Variants in MYT1L observed in about 807,000 individuals in gnomAD.
MYT1L encodes myelin transcription factor 1 like.
A neutral mutation model predicts 126.7 loss-of-function variants in MYT1L; 12 were observed. That is an observed-to-expected ratio of 0.09 (90% CI 0.06 to 0.15). The LOEUF (loss-of-function observed/expected upper bound fraction) is 0.15. Ranked by LOEUF, MYT1L falls within the 10% of genes least tolerant of loss-of-function variation. The pLI is 1.00. For missense variants in MYT1L, 979 were observed against 1,585.2 expected (o/e 0.62, Z 6.49); for synonymous variants, 541 against 604.2 (o/e 0.90, Z 1.53).
chr2:1,980,881 C>T (rs17039237), intron 5 of MYT1L, among the ~76,000 whole-genome samples: 23,071 of 152,104 alleles, frequency 0.15, 1,782 homozygotes, highest in East Asian at 0.31. Context: ...CTCAAGACGA[C>T]GGGGGAGCTA....
At chr2:2,200,282 T>C (rs999561898) in intron 2 of MYT1L, among the ~76,000 whole-genome samples, 1 of 152,160 alleles carries the variant, frequency 6.6e-6, no homozygotes, top group Admixed American at 6.5e-5. Context: ...CAAATTAGCT[T>C]AATGATTGAA....
intron 1 of MYT1L, among the ~76,000 whole-genome samples, chr2:2,312,016 G>C (rs1357022927): frequency 6.6e-6 from 1 of 152,180 alleles, no homozygotes; most frequent in African/African-American, 2.4e-5. Context: ...GCTGCTGTTG[G>C]GGAAACAAGC....
intron 2 of MYT1L, among the ~76,000 whole-genome samples, chr2:2,280,287 G>A (rs570344216): frequency 6.6e-6 from 1 of 152,292 alleles, no homozygotes; most frequent in South Asian, 2.1e-4. Flanking sequence ...TACATACCCT[G>A]GTTGTATGGT....
intron 4 of MYT1L, among the ~76,000 whole-genome samples, chr2:2,001,084 C>G (rs1323390049): frequency 6.6e-6 from 1 of 152,042 alleles, no homozygotes; most frequent in Non-Finnish European, 1.5e-5. Context: ...GACATTCGTG[C>G]CCCCATACAA....
intron 18 of MYT1L, among the ~76,000 whole-genome samples, chr2:1,879,872 T>C (rs976919264): frequency 2.6e-5 from 4 of 152,222 alleles, no homozygotes; most frequent in African/African-American, 9.6e-5. Context: ...TGTTTGAAAG[T>C]ATGCAATACA....
intron 3 of MYT1L, among the ~76,000 whole-genome samples, chr2:2,172,467 C>T (rs1002019549): frequency 6.6e-6 from 1 of 152,228 alleles, no homozygotes; most frequent in South Asian, 2.1e-4. Flanking sequence ...CATGAATTGT[C>T]TCTTTGGAGA....
At chr2:2,220,028 C>T (rs535907691) in intron 2 of MYT1L, among the ~76,000 whole-genome samples, 12 of 152,132 alleles carry the variant, frequency 7.9e-5, no homozygotes, top group South Asian at 4.2e-4. Context: ...AGGGGAAAAG[C>T]GCATTTGCAC....
rs564399153 is a variant in MYT1L, at chr2:1,842,946, C to G, written c.2775-2103G>C. On this transcript the variant is annotated intron_variant, in intron 19 of 24. Coordinates refer to ENST00000647738, the MANE Select transcript of MYT1L (RefSeq NM_001303052.2). Reference sequence around the variant, plus strand: ...GCTTCCAGGCGCTTCCGCTTCCAGGCGCTTCCGCTTCCAGGCGCGCGGTGC... The same window carrying G: ...GCTTCCAGGCGCTTCCGCTTCCAGGGGCTTCCGCTTCCAGGCGCGCGGTGC... The G allele has an allele frequency of 4.6e-5, 8 of 174,220 alleles. No individual in the cohort carries two copies. In the South Asian group the frequency reaches 9.1e-4, roughly 20 times the overall value. 10.8% of individuals were successfully genotyped at this position (174,220 alleles called of 1,614,324 possible). A position where few individuals can be genotyped will look rare whatever the true frequency, so the allele number is the denominator to read the frequency against.
intron 3 of MYT1L, among the ~76,000 whole-genome samples, chr2:2,116,984 T>C (rs985552187): frequency 6.6e-6 from 1 of 152,194 alleles, no homozygotes; most frequent in African/African-American, 2.4e-5. Flanking sequence ...GTGAGGGCAG[T>C]GGGAGAGCTA....
At chr2:2,082,747 CT>C (rs2075972815) in intron 3 of MYT1L, among the ~76,000 whole-genome samples, 3 of 152,154 alleles carry the variant, frequency 2.0e-5, no homozygotes, top group Admixed American at 2.0e-4. Flanking sequence ...ACAAGGCAAC[CT>C]CTTTGAAATT....
chr2:2,268,442 A>C (rs954709803), intron 2 of MYT1L, among the ~76,000 whole-genome samples: 3 of 152,174 alleles, frequency 2.0e-5, no homozygotes, highest in African/African-American at 7.2e-5. Context: ...TTTTAAGGTC[A>C]GTTTTTCCAC....
intron 3 of MYT1L, among the ~76,000 whole-genome samples, chr2:2,123,912 C>T (rs1319073675): frequency 6.6e-6 from 1 of 152,102 alleles, no homozygotes; most frequent in African/African-American, 2.4e-5. Flanking sequence ...CCCTGGAAAG[C>T]GGCTGCCGCT....
Position 1,851,669 on chromosome 2 carries a change from T to C in MYT1L, c.2746A>G (p.Ile916Val), listed in dbSNP as rs1442742878. Reference protein sequence around the residue: ...PTPGCDGSGHITGNYASHRSL... With the variant: ...PTPGCDGSGHVTGNYASHRSL... ...CGATGAGAAGCATAATTGCCGGTGA[T>C]ATGTCCAGAACCATCACAGCCAGGC... Residue 916 changes from isoleucine (I) to valine (V), a missense_variant, in exon 19 of 25, where the codon ATC becomes GTC. Physicochemically the swap from Ile to Val is conservative, Grantham distance 29. Coordinates refer to ENST00000647738, the MANE Select transcript of MYT1L (RefSeq NM_001303052.2). The C allele has an allele frequency of 2.5e-6, 4 of 1,613,820 alleles. No individual in the cohort carries two copies. In the South Asian group the frequency reaches 3.3e-5, roughly 13 times the overall value.
intron 4 of MYT1L, among the ~76,000 whole-genome samples, chr2:2,002,797 C>T (rs575945598): frequency 4.6e-5 from 7 of 152,196 alleles, no homozygotes; most frequent in African/African-American, 1.7e-4. Context: ...GCAGTTTCCC[C>T]CATGCTGTTC....
At chr2:1,994,400 C>G (rs188722263) in intron 5 of MYT1L, among the ~76,000 whole-genome samples, 1 of 152,060 alleles carries the variant, frequency 6.6e-6, no homozygotes, top group East Asian at 2.0e-4. Context: ...AGCGAGTCCT[C>G]CTGGGGGGCT....
At chr2:2,264,771 G>T (rs1019338056) in intron 2 of MYT1L, among the ~76,000 whole-genome samples, 12 of 152,172 alleles carry the variant, frequency 7.9e-5, no homozygotes, top group African/African-American at 2.9e-4. Context: ...TCGTAAAAAT[G>T]TCCAGAGGAA....
intron 1 of MYT1L, among the ~76,000 whole-genome samples, chr2:2,323,169 A>T (rs1454275425): frequency 1.3e-5 from 2 of 152,148 alleles, no homozygotes; most frequent in Non-Finnish European, 2.9e-5. Flanking sequence ...CTTGTGTTTG[A>T]GGTTTAGATT....
intron 21 of MYT1L, among the ~76,000 whole-genome samples, chr2:1,823,042 C>T (rs1191048770): frequency 6.6e-6 from 1 of 152,188 alleles, no homozygotes; most frequent in African/African-American, 2.4e-5. Context: ...TGAAAGGGAC[C>T]TTATTGCACC....
chr2:1,987,308 CTGTTTTTTT>C (rs1280748475), intron 5 of MYT1L, among the ~76,000 whole-genome samples: 1 of 150,676 alleles, frequency 6.6e-6, no homozygotes, highest in Non-Finnish European at 1.5e-5. Flanking sequence ...ACCTTGATTT[CTGTTTTTTT>C]TGTTTTTTTT....
Sources: allele counts gnomAD v4.1 joint callset (sites outside exome capture counted in the v4.1 genomes callset), GRCh38; gene constraint gnomAD v4.1.1; transcripts MANE v1.5; gene names NCBI Gene and HGNC (gene_info 2026-07-23, HGNC 2026-07-21).